Variants in WIF1 observed in about 807,000 individuals in gnomAD.
The protein encoded by WIF1 is Wnt inhibitory factor 1.
Under a neutral mutation model 53.5 loss-of-function variants are expected in WIF1, and 35 were observed. The ratio of observed to expected loss-of-function variants is 0.65; its 90% CI spans 0.50 to 0.87. The LOEUF (loss-of-function observed/expected upper bound fraction) is 0.87. WIF1 is among the 40% of genes least tolerant of loss of function. The pLI is 0.00. For synonymous variants in WIF1, 171 were observed against 170.4 expected, an observed-to-expected ratio of 1.00 and a Z score of -0.03; for missense variants, 467 against 476.8, an observed-to-expected ratio of 0.98 and a Z score of 0.19.
intron 3 of WIF1, among the ~76,000 whole-genome samples, chr12:65,077,175 T>C (rs180758795): frequency 1.2e-4 from 18 of 152,332 alleles, no homozygotes; most frequent in Non-Finnish European, 1.9e-4. Context: ...GTATTCAAAT[T>C]AGATAACGCA....
At chr12:65,066,600 TA>T in intron 6 of WIF1, 40 bp downstream of exon 6, 1 of 1,536,434 alleles carries the variant, frequency 6.5e-7, no homozygotes, top group Non-Finnish European at 8.9e-7. Flanking sequence ...TCAAACATTT[TA>T]AAAGTAAAAA....
intron 2 of WIF1, among the ~76,000 whole-genome samples, chr12:65,112,304 C>T (rs1883442796): frequency 6.6e-6 from 1 of 151,866 alleles, no homozygotes; most frequent in South Asian, 2.1e-4. Flanking sequence ...TTTAAGCTCC[C>T]TTTTATGTTA....
rs760561847 is a variant in WIF1 at position 65,054,874 on chromosome 12, A to T, written c.1018+244T>A. ...TTTACAGATGTGATCTTTTACAAAG[A>T]TGCATTACTCTTTACACACTAAAGC... On this transcript the variant is annotated intron_variant, in intron 9 of 9. Transcript: ENST00000286574. Among the ~76,000 whole-genome samples, 7 of 152,216 alleles carry T rather than the reference A, an allele frequency of 4.6e-5. 1 individual carries two copies. The highest frequency in any genetic ancestry group is 1.2e-4 in the African/African-American group (5 of 41,450).
intron 6 of WIF1, among the ~76,000 whole-genome samples, chr12:65,063,728 A>G (rs1011864885): frequency 7.3e-6 from 1 of 136,188 alleles, no homozygotes; most frequent in African/African-American, 2.8e-5. Flanking sequence ...TTTGTTTTTT[A>G]AAAGAGACAG....
intron 4 of WIF1, 91 bp downstream of exon 4, chr12:65,068,649 ATGTGTGTGTGTGTGTGTGTGTGTG>A: frequency 7.0e-6 from 7 of 1,004,138 alleles, no homozygotes; most frequent in South Asian, 2.1e-5. Context: ...CCAAAAAACC[ATGTGTGTGTGTGTGTGTGTGTGTG>A]TGTGTGTGTG....
At chr12:65,079,625 C>CAA (rs56249618) in intron 2 of WIF1, among the ~76,000 whole-genome samples, 77 of 67,148 alleles carry the variant, frequency 1.1e-3, no homozygotes, top group African/African-American at 2.9e-3. Context: ...GACTCTGTCT[C>CAA]AAAAAAAAAA....
intron 2 of WIF1, among the ~76,000 whole-genome samples, chr12:65,110,551 C>A (rs1489173134): frequency 6.6e-6 from 1 of 152,196 alleles, no homozygotes; most frequent in African/African-American, 2.4e-5. Flanking sequence ...CTTATCAGAG[C>A]AAGGGCTGGA....
chr12:65,119,924 G>T (rs1365534035), intron 2 of WIF1, among the ~76,000 whole-genome samples: 2 of 152,056 alleles, frequency 1.3e-5, no homozygotes, highest in Non-Finnish European at 2.9e-5. Flanking sequence ...ACACCTTTTG[G>T]GTCTAACTTC....
rs540273231 is a variant in WIF1 at position 65,062,370 on chromosome 12, C to T, written c.826+111G>A. 3.2e-5 allele frequency: 30 copies of T among 934,174 alleles called. No individual in the cohort carries two copies. The South Asian group carries it at 5.1e-4, about 16-fold the overall frequency. The allele number at this position is 934,174 out of a possible 1,614,324, so 57.9% of individuals were successfully genotyped here. On this transcript the variant is annotated intron_variant, in intron 7 of 9. Transcript: ENST00000286574. ...GAAACCACTGGCCTAAGACCTTAGA[C>T]AAGTTATTCATTCTCTCTGGGCTTC...
At chr12:65,108,978 C>A (rs1217312015) in intron 2 of WIF1, among the ~76,000 whole-genome samples, 1 of 152,180 alleles carries the variant, frequency 6.6e-6, no homozygotes, top group Admixed American at 6.5e-5. Flanking sequence ...CATTCGATGG[C>A]TCTGATTATC....
intron 9 of WIF1, among the ~76,000 whole-genome samples, chr12:65,053,517 C>T (rs570557519): frequency 1.3e-5 from 2 of 152,260 alleles, no homozygotes; most frequent in East Asian, 1.9e-4. Flanking sequence ...TATGGTCATT[C>T]TCTCTCCTTC....
chr12:65,054,670 T>G (rs920654430), intron 9 of WIF1, among the ~76,000 whole-genome samples: 14 of 152,214 alleles, frequency 9.2e-5, no homozygotes, highest in African/African-American at 3.4e-4. Context: ...GCAAAATGCT[T>G]CATGTTTTAT....
chr12:65,120,316 C>T lies in WIF1; in HGVS notation c.288+101G>A, dbSNP rs557246960. On this transcript the variant is annotated intron_variant, in intron 2 of 9. Coordinates refer to ENST00000286574, the MANE Select transcript of WIF1 (RefSeq NM_007191.5). ...TTTGGCAATCAGATGAGAAATTTCT[C>T]TTAATAACTGTAAAATGTACCAGGC... is the stretch of plus-strand genomic sequence containing the variant. 1.1e-5 allele frequency: 14 copies of T among 1,264,142 alleles called. No individual in the cohort carries two copies. The Admixed American group carries it at 3.0e-4, about 27-fold the overall frequency. The allele number at this position is 1,264,142 out of a possible 1,614,324, so 78.3% of individuals were successfully genotyped here.
rs141721030 is a variant in WIF1 at position 65,121,030 on chromosome 12, G to A, written c.148+14C>T. The A allele has an allele frequency of 2.1e-6, 3 of 1,452,670 alleles. No homozygotes were observed. Among genetic ancestry groups the A allele is most frequent in the South Asian group, 2.8e-5 (2 of 70,480 alleles). The allele number at this position is 1,452,670 out of a possible 1,614,324, so 90.0% of individuals were successfully genotyped here. ...GACATAGGCAGGGGAAGGCGCTGGAGGCGGGGGCCTTACCTATGAGTACTC... is the reference window on the plus strand; with the variant it reads ...GACATAGGCAGGGGAAGGCGCTGGAAGCGGGGGCCTTACCTATGAGTACTC... On this transcript the variant is annotated intron_variant, in intron 1 of 9. Transcript: ENST00000286574.
At chr12:65,093,978 T>C (rs1883163866) in intron 2 of WIF1, among the ~76,000 whole-genome samples, 1 of 152,180 alleles carries the variant, frequency 6.6e-6, no homozygotes, top group Non-Finnish European at 1.5e-5. Context: ...GTTAAAACCA[T>C]GGCAAACAGT....
Position 65,050,963 on chromosome 12 carries a change from T to C in WIF1, c.*386A>G, listed in dbSNP as rs1882430889. 4.3e-6 allele frequency: 1 copy of C among 234,404 alleles called. No homozygotes were observed. Among genetic ancestry groups the C allele is most frequent in the Non-Finnish European group, 8.4e-6 (1 of 118,882 alleles). The allele number at this position is 234,404 out of a possible 1,614,324, so 14.5% of individuals were successfully genotyped here. A position where few individuals can be genotyped will look rare whatever the true frequency, so the allele number is the denominator to read the frequency against. On this transcript the variant is annotated 3_prime_UTR_variant, in exon 10 of 10. Transcript: ENST00000286574. Reference sequence around the variant, plus strand: ...AATCTGAAATGCTGTAACTTCAACATTAACTGCACCATCCAAATTCTTGTG... The same window carrying C: ...AATCTGAAATGCTGTAACTTCAACACTAACTGCACCATCCAAATTCTTGTG...
intron 6 of WIF1, 53 bp from the exon 7 acceptor site, chr12:65,062,629 A>G (rs1592388358): frequency 1.3e-6 from 2 of 1,501,240 alleles, no homozygotes; most frequent in East Asian, 2.3e-5. Flanking sequence ...TAAATCTAAC[A>G]CAAATTTCAC....
intron 8 of WIF1, 113 bp downstream of exon 8, chr12:65,055,918 G>A: frequency 1.1e-6 from 1 of 881,512 alleles, no homozygotes; most frequent in Non-Finnish European, 1.7e-6. Context: ...AGTGAAGAAA[G>A]GTTAACTGTG....
intron 2 of WIF1, chr12:65,083,723 C>T (rs1436645392): frequency 1.8e-5 from 6 of 333,094 alleles, no homozygotes; most frequent in Non-Finnish European, 2.8e-5. Context: ...TCAGCTTCCC[C>T]CACTTGATTT....
Sources: allele counts gnomAD v4.1 joint callset (sites outside exome capture counted in the v4.1 genomes callset), GRCh38; gene constraint gnomAD v4.1.1; transcripts MANE v1.5; gene names NCBI Gene and HGNC (gene_info 2026-07-23, HGNC 2026-07-21).